The following TRIP12 variants were observed in gnomAD, a reference collection of about 807,000 sequenced individuals.
TRIP12 encodes thyroid hormone receptor interactor 12.
Under a neutral mutation model 244.2 loss-of-function variants are expected in TRIP12, and 25 were observed. The observed-to-expected ratio is 0.10, with a 90% CI of 0.07 to 0.14. TRIP12 has a LOEUF of 0.14. Among genes scored for constraint, TRIP12 ranks in the 10% least tolerant of loss-of-function variants. TRIP12 has a pLI of 1.00. For synonymous variants in TRIP12, 905 were observed against 873.1 expected, an observed-to-expected ratio of 1.04 and a Z score of -0.64; for missense variants, 1,677 against 2,486.4, an observed-to-expected ratio of 0.67 and a Z score of 6.92.
At chr2:229,806,306 C>G (rs139827980) in intron 17 of TRIP12, among the ~76,000 whole-genome samples, 24 of 152,258 alleles carry the variant, frequency 1.6e-4, no homozygotes, top group African/African-American at 5.1e-4. Context: ...CCAAAATCCT[C>G]CCTTAAACAA....
rs757065954 is a variant in TRIP12, at chr2:229,804,242, A to C, written c.2651-15T>G. 7.6e-5 allele frequency: 121 copies of C among 1,589,170 alleles called. No homozygotes were observed. Among genetic ancestry groups the C allele is most frequent in the Non-Finnish European group, 9.7e-5 (113 of 1,164,974 alleles). ...TGAATATCCACCTATTACATTAAAA[A>C]AAAATATATGTGCAATCCTGAAGTG... On this transcript the variant is annotated splice_polypyrimidine_tract_variant and intron_variant, in intron 18 of 41. Transcript: ENST00000675903.
intron 15 of TRIP12, among the ~76,000 whole-genome samples, chr2:229,809,714 A>G (rs1282960643): frequency 2.0e-5 from 3 of 152,010 alleles, no homozygotes; most frequent in Middle Eastern, 3.4e-3. Flanking sequence ...GGACCACTCA[A>G]AATAGGGTTG....
intron 4 of TRIP12, among the ~76,000 whole-genome samples, chr2:229,852,134 T>C (rs1328702508): frequency 6.6e-6 from 1 of 152,218 alleles, no homozygotes; most frequent in African/African-American, 2.4e-5. Context: ...CAGGAGAATA[T>C]GAAACTCAAG....
chr2:229,799,400 A>T lies in TRIP12; in HGVS notation c.3207-17T>A. On this transcript the variant is annotated splice_polypyrimidine_tract_variant and intron_variant, in intron 21 of 41. Coordinates refer to ENST00000675903, the MANE Select transcript of TRIP12 (RefSeq NM_001348323.3). ...CTTAATCGACTGTCCATGGGAAAATATGAGATAAGTTTAGCAATTACCACT... is the reference window on the plus strand; with the variant it reads ...CTTAATCGACTGTCCATGGGAAAATTTGAGATAAGTTTAGCAATTACCACT... 3.7e-6 allele frequency: 6 copies of T among 1,609,820 alleles called. No homozygotes were observed. Among genetic ancestry groups the T allele is most frequent in the Non-Finnish European group, 5.1e-6 (6 of 1,176,088 alleles).
Position 229,859,524 on chromosome 2 carries a change from T to C in TRIP12, c.275A>G (p.Asp92Gly). Residue 92 changes from aspartate to glycine, a missense_variant, in exon 4 of 42, where the codon GAC becomes GGC. Physicochemically the swap from Asp to Gly is moderately conservative, Grantham distance 94. Coordinates refer to ENST00000675903, the MANE Select transcript of TRIP12 (RefSeq NM_001348323.3). Reference sequence around the variant, plus strand: ...TTGTCTTTCTGAAGTATTGGCTCTGTCTGGATCCTCTGGTTGTGGAACTAT... The same window carrying C: ...TTGTCTTTCTGAAGTATTGGCTCTGCCTGGATCCTCTGGTTGTGGAACTAT... ...AVIVPQPEDP[D>G]RANTSERQKT... 1 of 1,614,170 alleles carries C rather than the reference T, an allele frequency of 6.2e-7. No individual in the cohort carries two copies. The highest frequency in any genetic ancestry group is 8.5e-7 in the Non-Finnish European group (1 of 1,180,024).
intron 13 of TRIP12, among the ~76,000 whole-genome samples, chr2:229,812,909 C>T (rs759190399): frequency 1.1e-4 from 16 of 152,136 alleles, no homozygotes; most frequent in Non-Finnish European, 2.1e-4. Flanking sequence ...AATTTTAAAG[C>T]CAGGTTTCTA....
intron 1 of TRIP12, among the ~76,000 whole-genome samples, chr2:229,892,071 T>A (rs755235840): frequency 1.1e-4 from 16 of 152,352 alleles, no homozygotes; most frequent in Middle Eastern, 3.4e-3. Flanking sequence ...TGAAGGCCTA[T>A]TTGACAGGTG....
intron 38 of TRIP12, among the ~76,000 whole-genome samples, chr2:229,772,986 T>C (rs2034985731): frequency 6.6e-6 from 1 of 152,104 alleles, no homozygotes. Context: ...AGGATCTATA[T>C]AGTGGTAATT....
In TRIP12 at chr2:229,830,810, T is replaced by G; in HGVS notation, c.1300A>C (p.Met434Leu). The G allele has an allele frequency of 6.2e-7, 1 of 1,614,148 alleles. No homozygotes were observed. The highest frequency in any genetic ancestry group is 8.5e-7 in the Non-Finnish European group (1 of 1,180,016). Residue 434 changes from methionine to leucine, a missense_variant, in exon 7 of 42, where the codon ATG becomes CTG. Physicochemically the swap from Met to Leu is conservative, Grantham distance 15. Around this residue, in one of 11 missense-constraint regions of TRIP12, gnomAD observed 143 missense variants for 215.6 expected, o/e 0.66. Coordinates refer to ENST00000675903, the MANE Select transcript of TRIP12 (RefSeq NM_001348323.3). The part of the protein sequence containing the change: ...ASSSVAGAVG[M>L]TTSGESESDD... ...GATTCACTCTCCCCAGAGGTGGTCATGCCAACAGCCCCTGCAACAGAACTA... is the reference window on the plus strand; with the variant it reads ...GATTCACTCTCCCCAGAGGTGGTCAGGCCAACAGCCCCTGCAACAGAACTA...
At chr2:229,818,321 G>T in intron 9 of TRIP12, 43 bp downstream of exon 9, 2 of 1,596,676 alleles carry the variant, frequency 1.3e-6, no homozygotes, top group Non-Finnish European at 1.7e-6. Context: ...GCAGATTTCA[G>T]AGGACAAATG....
rs1263914570 is a variant in TRIP12 at position 229,796,647 on chromosome 2, C to T, written c.3760G>A (p.Ala1254Thr). ...TTTAATCTGATCTCTCTGCTCACAG[C>T]ATCCTTTTCACTTTTAGATGTCAAA... The part of the protein sequence containing the change: ...LYLTSKSEKD[A>T]VSREIRLKRF... The change falls in exon 25 of 42, where the codon GCT becomes ACT. Residue 1254 changes from alanine (A) to threonine (T), a missense_variant. By Grantham distance (58) the Ala-to-Thr change is moderately conservative. Transcript: ENST00000675903. The T allele has an allele frequency of 1.2e-5, 20 of 1,612,154 alleles. No homozygotes were observed. In the East Asian group the frequency reaches 4.2e-4, roughly 34 times the overall value.
At chr2:229,900,791 G>A (rs1047238209) in intron 1 of TRIP12, 5 of 151,814 alleles carry the variant, frequency 3.3e-5, no homozygotes, top group Non-Finnish European at 5.9e-5. Context: ...GAACCCGGGA[G>A]GCAGAGGTTG....
Position 229,916,326 on chromosome 2 carries a change from TG to T in TRIP12, c.-50+5553del, listed in dbSNP as rs2075367097. On this transcript the variant is annotated intron_variant, in intron 1 of 41. Transcript: ENST00000675903. Reference sequence around the variant, plus strand: ...TCAAATCAGATAATCACTTGAACAGTGCTATTAAGGAAAACACACAGTAGCA... The same window carrying T: ...TCAAATCAGATAATCACTTGAACAGTCTATTAAGGAAAACACACAGTAGCA... Among the ~76,000 whole-genome samples, 28 of 152,340 alleles carry T rather than the reference TG, an allele frequency of 1.8e-4. 1 individual carries two copies. The South Asian group carries it at 5.8e-3, about 32-fold the overall frequency.
At chr2:229,901,048 C>T (rs2070637311) in intron 1 of TRIP12, among the ~76,000 whole-genome samples, 1 of 151,210 alleles carries the variant, frequency 6.6e-6, no homozygotes. Flanking sequence ...ACTCTCCTGC[C>T]TCATCCTCAC....
intron 1 of TRIP12, among the ~76,000 whole-genome samples, chr2:229,902,770 A>T (rs966973852): frequency 6.6e-6 from 1 of 152,240 alleles, no homozygotes; most frequent in Non-Finnish European, 1.5e-5. Flanking sequence ...GGGCATCCAG[A>T]CTTAAAAGGT....
intron 17 of TRIP12, 39 bp from the exon 18 acceptor site, chr2:229,805,922 G>C (rs1559527670): frequency 6.8e-7 from 1 of 1,470,010 alleles, no homozygotes; most frequent in Non-Finnish European, 9.2e-7. Context: ...TATAAACATT[G>C]AGAAATCTAT....
intron 1 of TRIP12, among the ~76,000 whole-genome samples, chr2:229,903,018 C>CT (rs57794819): frequency 0.56 from 57,709 of 103,312 alleles, 14,819 homozygotes; most frequent in East Asian, 0.71. Context: ...TTCTTTTTTT[C>CT]TTTTTTTTTT....
At chr2:229,889,668 ATT>A (rs980304589) in intron 1 of TRIP12, among the ~76,000 whole-genome samples, 1 of 152,142 alleles carries the variant, frequency 6.6e-6, no homozygotes, top group Admixed American at 6.5e-5. Flanking sequence ...TCAGTTCCAA[ATT>A]TTTTAAGACT....
chr2:229,807,394 G>A lies in TRIP12; in HGVS notation c.2496+314C>T, dbSNP rs112870589. On this transcript the variant is annotated intron_variant, in intron 17 of 41. Coordinates refer to ENST00000675903, the MANE Select transcript of TRIP12 (RefSeq NM_001348323.3). ...CATGGGACATTGCTTTCTGATAGAA[G>A]ATAGATAAATTTTAGAAACCTACGG... 3.0e-4 allele frequency: 101 copies of A among 337,310 alleles called. 1 individual carries two copies. The highest frequency in any genetic ancestry group is 1.6e-3 in the African/African-American group (77 of 47,402). 20.9% of individuals were successfully genotyped at this position (337,310 alleles called of 1,614,324 possible).
Sources: gnomAD v4.1 joint callset for allele counts (sites outside exome capture counted in the v4.1 genomes callset) on GRCh38, gnomAD v4.1.1 for gene constraint, gnomAD v4.1.1 regional missense constraint, MANE v1.5 for transcripts, NCBI Gene and HGNC (gene_info 2026-07-23, HGNC 2026-07-21) for gene names.